Variants in ARHGEF3 observed in about 807,000 individuals in gnomAD.
The protein encoded by ARHGEF3 is Rho guanine nucleotide exchange factor 3, also known as 59.8 kDA protein.
In ARHGEF3, 28 loss-of-function variants were observed where a neutral mutation model predicts 63.2. That is an observed-to-expected ratio of 0.44 (90% confidence interval 0.33 to 0.61). The LOEUF (loss-of-function observed/expected upper bound fraction) is 0.61. Among genes scored for constraint, ARHGEF3 ranks in the 20% least tolerant of loss-of-function variants. The pLI is 0.03. For missense variants in ARHGEF3, 533 were observed against 659.3 expected (o/e 0.81, Z 2.10); for synonymous variants, 266 against 254.2 (o/e 1.05, Z -0.44).
intron 3 of ARHGEF3, among the ~76,000 whole-genome samples, chr3:56,883,656 A>T (rs1240492335): frequency 6.6e-6 from 1 of 152,164 alleles, no homozygotes; most frequent in Non-Finnish European, 1.5e-5. Context: ...AGCTCATCAA[A>T]GATACATTCA....
At chr3:56,776,168 A>T (rs1252877415) in intron 1 of ARHGEF3, among the ~76,000 whole-genome samples, 2 of 152,182 alleles carry the variant, frequency 1.3e-5, no homozygotes, top group African/African-American at 4.8e-5. Flanking sequence ...CATCTTTTCT[A>T]AGGTTCTGCT....
intron 1 of ARHGEF3, among the ~76,000 whole-genome samples, chr3:57,049,553 C>T (rs907594820): frequency 1.3e-5 from 2 of 152,132 alleles, no homozygotes; most frequent in Non-Finnish European, 2.9e-5. Context: ...GAAGACACAG[C>T]TCCAGCCCTA....
chr3:56,921,667 C>T (rs2042146142), intron 3 of ARHGEF3, among the ~76,000 whole-genome samples: 1 of 152,202 alleles, frequency 6.6e-6, no homozygotes, highest in Non-Finnish European at 1.5e-5. Flanking sequence ...CAGACACTTT[C>T]CCAGGCCAAG....
chr3:57,014,583 C>G (rs1003927160), intron 2 of ARHGEF3, among the ~76,000 whole-genome samples: 1 of 152,052 alleles, frequency 6.6e-6, no homozygotes, highest in South Asian at 2.1e-4. Context: ...AACTATATTT[C>G]TTTATAGTTT....
At chr3:56,963,383 G>A (rs1700360300) in intron 2 of ARHGEF3, among the ~76,000 whole-genome samples, 1 of 152,052 alleles carries the variant, frequency 6.6e-6, no homozygotes, top group African/African-American at 2.4e-5. Context: ...TAAGGACTGG[G>A]TAAAATATAC....
At chr3:56,834,702 G>A (rs941192923) in intron 4 of ARHGEF3, among the ~76,000 whole-genome samples, 1 of 147,590 alleles carries the variant, frequency 6.8e-6, no homozygotes, top group African/African-American at 2.5e-5. Context: ...CTGAGATTGT[G>A]CCATTGCACT....
chr3:56,731,965 G>T, intron 9 of ARHGEF3: 1 of 586,788 alleles, frequency 1.7e-6, no homozygotes, highest in Non-Finnish European at 3.0e-6. Context: ...AACTTAAGGA[G>T]CACTAACTAT....
At chr3:57,043,319 G>A (rs1037401836) in intron 1 of ARHGEF3, among the ~76,000 whole-genome samples, 3 of 151,862 alleles carry the variant, frequency 2.0e-5, no homozygotes, top group East Asian at 1.9e-4. Context: ...GTTTCACCAC[G>A]TTGATTAGGC....
intron 2 of ARHGEF3, among the ~76,000 whole-genome samples, chr3:56,977,065 G>A (rs940580144): frequency 6.6e-6 from 1 of 152,074 alleles, no homozygotes; most frequent in Non-Finnish European, 1.5e-5. Flanking sequence ...TGTGGAATAA[G>A]GGCTGTAACA....
intron 4 of ARHGEF3, among the ~76,000 whole-genome samples, chr3:56,878,033 T>C (rs1330025665): frequency 6.6e-6 from 1 of 152,250 alleles, no homozygotes; most frequent in Non-Finnish European, 1.5e-5. Context: ...TTTCCAGTTT[T>C]TCTAGAGAAC....
Position 56,801,771 on chromosome 3 carries a change from G to A in ARHGEF3, c.28C>T (p.Leu10Phe). ...CTGCAGTTCGCTCTCTTGACCGTGA[G>A]GTAGAAGGGGTAATCCTTGGCCACC... is the stretch of plus-strand genomic sequence containing the variant. MVAKDYPFYLTVKRANCSLE... is the reference protein window; with the variant it reads MVAKDYPFYFTVKRANCSLE... Residue 10 changes from leucine (L) to phenylalanine (F), a missense_variant, in exon 1 of 10, where the codon CTC becomes TTC. By Grantham distance (22) the Leu-to-Phe change is conservative. Transcript: ENST00000296315. The A allele has an allele frequency of 1.3e-6, 2 of 1,568,262 alleles. No individual in the cohort carries two copies. The highest frequency in any genetic ancestry group is 2.3e-5 in the South Asian group (2 of 85,316).
At position 56,878,212 on chromosome 3, in the gene ARHGEF3, C is replaced by T. The variant is rs78467896; in HGVS notation, c.192+4080G>A. ...TGGTGACATGAGCTACAGCGTCTCT[C>T]GCCCATTAGAATTTAAACTAGAAAA... On this transcript the variant is annotated intron_variant, in intron 4 of 12. Transcript: ENST00000338458. 2.0e-3 allele frequency among the ~76,000 whole-genome samples: 302 copies of T among 152,268 alleles called. 2 individuals are homozygous for T. Among genetic ancestry groups the T allele is most frequent in the Non-Finnish European group, 3.8e-3 (256 of 68,030 alleles).
intron 7 of ARHGEF3, among the ~76,000 whole-genome samples, chr3:56,741,968 A>T (rs1244423475): frequency 6.6e-6 from 1 of 152,190 alleles, no homozygotes; most frequent in African/African-American, 2.4e-5. Context: ...GGGACTGGTA[A>T]AGGGAGATGA....
At chr3:56,781,241 GTCTTTTTTTTTTTTT>G (rs1157839521) in intron 1 of ARHGEF3, among the ~76,000 whole-genome samples, 1 of 142,094 alleles carries the variant, frequency 7.0e-6, no homozygotes, top group East Asian at 2.0e-4. Flanking sequence ...ATTTTCTTTT[GTCTTTTTTTTTTTTT>G]TCTTTTTTTG....
intron 3 of ARHGEF3, among the ~76,000 whole-genome samples, chr3:56,948,622 T>C (rs913338646): frequency 1.1e-4 from 16 of 152,262 alleles, no homozygotes; most frequent in African/African-American, 3.8e-4. Flanking sequence ...GGCTCTGAAA[T>C]TGAGGCAATA....
chr3:57,053,916 T>C (rs1419223300), intron 1 of ARHGEF3, among the ~76,000 whole-genome samples: 1 of 152,220 alleles, frequency 6.6e-6, no homozygotes, highest in Non-Finnish European at 1.5e-5. Flanking sequence ...TGACGGGCAT[T>C]TGGATTGTTT....
chr3:56,822,229 A>T (rs748814572), intron 4 of ARHGEF3, among the ~76,000 whole-genome samples: 1 of 152,176 alleles, frequency 6.6e-6, no homozygotes, highest in Non-Finnish European at 1.5e-5. Flanking sequence ...TATCATTCCC[A>T]TGGCACAGAT....
In ARHGEF3 at chr3:56,775,050, T is replaced by C. The variant is rs992021944; in HGVS notation, c.97-1234A>G. Reference sequence around the variant, plus strand: ...CCTGTAGTAGATGCTAGACAGCACATGAAGATACCAAATTTTGATGGGCAA... The same window carrying C: ...CCTGTAGTAGATGCTAGACAGCACACGAAGATACCAAATTTTGATGGGCAA... On this transcript the variant is annotated intron_variant, in intron 1 of 9. Transcript: ENST00000296315. 5 of 1,551,302 alleles carry C rather than the reference T, an allele frequency of 3.2e-6. No homozygotes were observed. In the African/African-American group the frequency reaches 5.5e-5, roughly 17 times the overall value.
At chr3:56,757,715 T>C (rs1451722525) in intron 2 of ARHGEF3, among the ~76,000 whole-genome samples, 3 of 151,852 alleles carry the variant, frequency 2.0e-5, no homozygotes, top group African/African-American at 7.2e-5. Context: ...CTCCTTTATA[T>C]ATTTTTAGCC....
Sources: allele counts gnomAD v4.1 joint callset (sites outside exome capture counted in the v4.1 genomes callset), GRCh38; gene constraint gnomAD v4.1.1; transcripts MANE v1.5; gene names NCBI Gene and HGNC (gene_info 2026-07-23, HGNC 2026-07-21).